The following OR51C1 variants were observed in gnomAD, a reference collection of about 807,000 sequenced individuals.
OR51C1 encodes olfactory receptor OR51C1.
chr11:4,692,677 A>T, the OR51C1 span, among the ~76,000 whole-genome samples: 1 of 152,180 alleles, frequency 6.6e-6, no homozygotes, highest in East Asian at 1.9e-4. Flanking sequence ...AGAGGGCTCA[A>T]TCAATGAGAG....
chr11:4,694,488 GTATA>G, the OR51C1 span, among the ~76,000 whole-genome samples: 1 of 141,914 alleles, frequency 7.0e-6, no homozygotes, highest in South Asian at 2.2e-4. Context: ...ATATATACGT[GTATA>G]TATATATATA....
At chr11:4,693,873 C>A in the OR51C1 span, among the ~76,000 whole-genome samples, 1 of 152,234 alleles carries the variant, frequency 6.6e-6, no homozygotes, top group South Asian at 2.1e-4. Flanking sequence ...AAATAAAACC[C>A]CACTTAGAGA....
the OR51C1 span, chr11:4,691,321 C>T: frequency 3.9e-5 from 18 of 457,382 alleles, no homozygotes; most frequent in Middle Eastern, 2.3e-3. Flanking sequence ...GGATTAGAGA[C>T]GGCCACAAAA....
At chr11:4,693,699 G>T in the OR51C1 span, among the ~76,000 whole-genome samples, 1 of 152,056 alleles carries the variant, frequency 6.6e-6, no homozygotes, top group African/African-American at 2.4e-5. Context: ...TCCAACCTGG[G>T]CGACAGAGCG....
chr11:4,693,587 G>A, the OR51C1 span, among the ~76,000 whole-genome samples: 2 of 152,276 alleles, frequency 1.3e-5, no homozygotes, highest in African/African-American at 2.4e-5. Context: ...CGGGCGTGGT[G>A]GCGGGCGCCT....
chr11:4,692,775 G>A, the OR51C1 span, among the ~76,000 whole-genome samples: 6 of 150,330 alleles, frequency 4.0e-5, no homozygotes, highest in Non-Finnish European at 8.8e-5. Context: ...AGGATGGAGA[G>A]GAACCTCAAC....
chr11:4,691,834 A>G, the OR51C1 span: 1 of 290,136 alleles, frequency 3.4e-6, no homozygotes, highest in Non-Finnish European at 6.8e-6. Flanking sequence ...GAAACTATGA[A>G]TGGCTCATTT....
the OR51C1 span, among the ~76,000 whole-genome samples, chr11:4,695,400 T>G: frequency 6.6e-6 from 1 of 152,186 alleles, no homozygotes; most frequent in Admixed American, 6.6e-5. Context: ...TATAGATATT[T>G]CCAAACAATT....
At chr11:4,690,807 T>C in the OR51C1 span, 1 of 434,212 alleles carries the variant, frequency 2.3e-6, no homozygotes, top group Non-Finnish European at 4.5e-6. Flanking sequence ...ACGTATCTGT[T>C]TGGTTTTCAC....
the OR51C1 span, chr11:4,690,849 A>T: frequency 2.2e-6 from 1 of 455,758 alleles, no homozygotes; most frequent in Non-Finnish European, 4.4e-6. Context: ...CAAAGGGGAG[A>T]TCAGCAGGTA....
chr11:4,691,364 T>C, the OR51C1 span: 2 of 457,724 alleles, frequency 4.4e-6, no homozygotes, highest in South Asian at 3.1e-5. Context: ...GCACTGAGGA[T>C]TCCATGACAG....
chr11:4,691,148 A>C, the OR51C1 span: 1 of 456,732 alleles, frequency 2.2e-6, no homozygotes, highest in Non-Finnish European at 4.4e-6. Context: ...GCTTCATCAC[A>C]TCAGGGTGGT....
At chr11:4,694,475 CATATAT>C in the OR51C1 span, among the ~76,000 whole-genome samples, 1 of 150,650 alleles carries the variant, frequency 6.6e-6, no homozygotes, top group East Asian at 2.0e-4. Flanking sequence ...CTAAACTATA[CATATAT>C]ATACGTGTAT....
At chr11:4,693,684 T>C in the OR51C1 span, among the ~76,000 whole-genome samples, 2 of 151,996 alleles carry the variant, frequency 1.3e-5, no homozygotes, top group Non-Finnish European at 2.9e-5. Context: ...ATGGCGCCAT[T>C]GCACTCCAAC....
the OR51C1 span, chr11:4,691,231 G>A: frequency 2.2e-6 from 1 of 456,784 alleles, no homozygotes; most frequent in African/African-American, 2.0e-5. Context: ...ATTGGTGTCA[G>A]CATTAGGAGC....
At chr11:4,695,872 CT>C in the OR51C1 span, among the ~76,000 whole-genome samples, 1 of 152,070 alleles carries the variant, frequency 6.6e-6, no homozygotes, top group Non-Finnish European at 1.5e-5. Context: ...AGAAGTACCT[CT>C]TCTTTTCTTG....
the OR51C1 span, among the ~76,000 whole-genome samples, chr11:4,693,683 T>C: frequency 4.7e-3 from 719 of 152,032 alleles, 3 homozygotes; most frequent in African/African-American, 5.6e-3. Flanking sequence ...GATGGCGCCA[T>C]TGCACTCCAA....
At chr11:4,693,549 G>A in the OR51C1 span, among the ~76,000 whole-genome samples, 6 of 151,984 alleles carry the variant, frequency 3.9e-5, no homozygotes, top group Non-Finnish European at 7.4e-5. Flanking sequence ...GTGAAACCTC[G>A]TCTCTACTAA....
the OR51C1 span, chr11:4,697,631 T>C: frequency 6.5e-6 from 1 of 152,672 alleles, no homozygotes; most frequent in Admixed American, 6.5e-5. Context: ...GCATTTTCAT[T>C]GAACAAAACA....
Sources: gnomAD v4.1 joint callset for allele counts (sites outside exome capture counted in the v4.1 genomes callset) on GRCh38, gnomAD v4.1.1 for gene constraint, MANE v1.5 for transcripts, NCBI Gene and HGNC (gene_info 2026-07-23, HGNC 2026-07-21) for gene names.